Variants in MTUS2 observed in about 807,000 individuals in gnomAD.
MTUS2 encodes the protein microtubule-associated tumor suppressor candidate 2.
In MTUS2, 40 loss-of-function variants were observed where a neutral mutation model predicts 114.1. That is an observed-to-expected ratio of 0.35 (90% CI 0.27 to 0.46). The LOEUF (loss-of-function observed/expected upper bound fraction) is 0.46. MTUS2 is among the 20% of genes least tolerant of loss of function. MTUS2 has a pLI of 1.00. For synonymous variants in MTUS2, 688 were observed against 672.0 expected (o/e 1.02, Z -0.37); for missense variants, 1,679 against 1,705.4 (o/e 0.98, Z 0.27).
intron 4 of MTUS2, among the ~76,000 whole-genome samples, chr13:29,044,514 A>G (rs1887522790): frequency 6.6e-6 from 1 of 152,004 alleles, no homozygotes; most frequent in South Asian, 2.1e-4. Flanking sequence ...TGTTTCTTGA[A>G]ATATTTTCAG....
intron 2 of MTUS2, among the ~76,000 whole-genome samples, chr13:28,919,243 A>G (rs990578277): frequency 6.6e-6 from 1 of 152,162 alleles, no homozygotes; most frequent in Middle Eastern, 3.4e-3. Context: ...AGCATTTCTT[A>G]TAGGACAAGT....
At chr13:28,946,073 TCA>T (rs1236253471) in intron 2 of MTUS2, among the ~76,000 whole-genome samples, 2 of 152,230 alleles carry the variant, frequency 1.3e-5, no homozygotes, top group East Asian at 3.8e-4. Flanking sequence ...CTTTTAAACT[TCA>T]CAGTTATATA....
At chr13:29,000,901 C>T (rs147840663) in intron 2 of MTUS2, among the ~76,000 whole-genome samples, 67 of 152,330 alleles carry the variant, frequency 4.4e-4, no homozygotes, top group African/African-American at 1.5e-3. Context: ...CCACTCTAAC[C>T]TGTCCTCAGG....
rs1413247545 is a variant in MTUS2 at position 29,389,861 on chromosome 13, A to G, written c.3117+30388A>G. Among the ~76,000 whole-genome samples, 7 of 56,168 alleles carry G rather than the reference A, an allele frequency of 1.2e-4. 3 individuals are homozygous for G. Among genetic ancestry groups the G allele is most frequent in the East Asian group, 1.1e-3 (2 of 1,746 alleles). 36.8% of individuals were successfully genotyped at this position (56,168 alleles called of 152,430 possible). The stretch of plus-strand genomic sequence containing the variant: ...TACATACATATGTGTATATATACAT[A>G]CATATGTGTATATATACATACATAT... On this transcript the variant is annotated intron_variant, in intron 8 of 15. Coordinates refer to ENST00000612955, the MANE Select transcript of MTUS2 (RefSeq NM_001033602.4).
chr13:29,054,843 A>G (rs573295933), intron 4 of MTUS2, among the ~76,000 whole-genome samples: 12 of 152,154 alleles, frequency 7.9e-5, no homozygotes, highest in African/African-American at 2.6e-4. Context: ...CCCAGAGTCT[A>G]TTTAGTAGTA....
intron 2 of MTUS2, among the ~76,000 whole-genome samples, chr13:28,847,369 A>C (rs1217253711): frequency 6.6e-6 from 1 of 151,994 alleles, no homozygotes; most frequent in Non-Finnish European, 1.5e-5. Context: ...AGGGCATAGG[A>C]GCTCTGATTT....
chr13:29,205,826 T>TGG (rs1895160678), intron 5 of MTUS2, among the ~76,000 whole-genome samples: 2 of 152,244 alleles, frequency 1.3e-5, no homozygotes, highest in African/African-American at 4.8e-5. Context: ...ACATTTGGGA[T>TGG]GATTCCATAT....
intron 2 of MTUS2, among the ~76,000 whole-genome samples, chr13:28,963,994 A>T (rs919785494): frequency 6.6e-6 from 1 of 152,024 alleles, no homozygotes; most frequent in Non-Finnish European, 1.5e-5. Flanking sequence ...CTTCGTTTCT[A>T]CTTTCCCCAT....
intron 8 of MTUS2, among the ~76,000 whole-genome samples, chr13:29,406,896 C>T (rs764256053): frequency 6.6e-6 from 1 of 152,174 alleles, no homozygotes; most frequent in Non-Finnish European, 1.5e-5. Context: ...TCTGTTTTCT[C>T]TGCTGTATGT....
intron 5 of MTUS2, among the ~76,000 whole-genome samples, chr13:29,127,437 G>A (rs1891567022): frequency 6.6e-6 from 1 of 152,182 alleles, no homozygotes; most frequent in African/African-American, 2.4e-5. Context: ...AGAAAAAGAA[G>A]TTATCTTCTT....
chr13:28,992,249 G>A (rs1282441490), intron 2 of MTUS2, among the ~76,000 whole-genome samples: 1 of 152,226 alleles, frequency 6.6e-6, no homozygotes, highest in African/African-American at 2.4e-5. Flanking sequence ...AGGGAATCAT[G>A]GAGCCTGCCT....
intron 3 of MTUS2, among the ~76,000 whole-genome samples, chr13:29,029,235 G>A (rs559365074): frequency 3.9e-5 from 6 of 152,298 alleles, no homozygotes; most frequent in Non-Finnish European, 8.8e-5. Flanking sequence ...GAGAATTCAG[G>A]GGTCCAGTCA....
chr13:29,092,363 A>G (rs547137085), intron 4 of MTUS2, among the ~76,000 whole-genome samples: 5 of 152,102 alleles, frequency 3.3e-5, no homozygotes, highest in Non-Finnish European at 7.4e-5. Flanking sequence ...ACCAATCAGC[A>G]TGTACTCACC....
At chr13:28,830,933 C>T (rs1378476814) in intron 1 of MTUS2, among the ~76,000 whole-genome samples, 1 of 151,924 alleles carries the variant, frequency 6.6e-6, no homozygotes, top group Non-Finnish European at 1.5e-5. Flanking sequence ...AACTATTATT[C>T]AAAAAAGAAC....
chr13:29,421,647 A>G (rs1453513805), intron 8 of MTUS2, among the ~76,000 whole-genome samples: 2 of 152,212 alleles, frequency 1.3e-5, no homozygotes, highest in African/African-American at 2.4e-5. Context: ...GTGGCATAGC[A>G]AGGAGGCTGT....
At chr13:29,071,974 C>T (rs1350898460) in intron 4 of MTUS2, 5 of 152,354 alleles carry the variant, frequency 3.3e-5, no homozygotes, top group Admixed American at 2.6e-4. Flanking sequence ...CCTCATTTCT[C>T]AGCCCATTTC....
chr13:29,014,697 G>T (rs187744386), intron 2 of MTUS2, among the ~76,000 whole-genome samples: 1 of 152,204 alleles, frequency 6.6e-6, no homozygotes, highest in East Asian at 1.9e-4. Context: ...GAGCTGTGTC[G>T]ACAGCAAGGC....
chr13:29,157,799 GAT>G (rs1464066633), intron 5 of MTUS2, among the ~76,000 whole-genome samples: 2 of 151,402 alleles, frequency 1.3e-5, no homozygotes, highest in Non-Finnish European at 3.0e-5. Flanking sequence ...TAGATAGATA[GAT>G]ATAGATACAG....
At chr13:29,309,241 T>C (rs1899634139) in intron 6 of MTUS2, among the ~76,000 whole-genome samples, 1 of 152,222 alleles carries the variant, frequency 6.6e-6, no homozygotes, top group African/African-American at 2.4e-5. Context: ...TATGGGATAC[T>C]ATGCAGCCAT....
Sources: gnomAD v4.1 joint callset for allele counts (sites outside exome capture counted in the v4.1 genomes callset) on GRCh38, gnomAD v4.1.1 for gene constraint, MANE v1.5 for transcripts, NCBI Gene and HGNC (gene_info 2026-07-23, HGNC 2026-07-21) for gene names.